SEMA3E: variants seen among roughly 807,000 people sequenced by gnomAD.
The protein encoded by SEMA3E is semaphorin 3E.
In SEMA3E, 49 loss-of-function variants were observed where a neutral mutation model predicts 93.6. The observed-to-expected ratio is 0.52, with a 90% CI of 0.42 to 0.66. The LOEUF (loss-of-function observed/expected upper bound fraction) is 0.66. Ranked by LOEUF, SEMA3E falls within the 30% of genes least tolerant of loss-of-function variation. The pLI is 0.00. For missense variants in SEMA3E, 906 were observed against 964.8 expected, an observed-to-expected ratio of 0.94 and a Z score of 0.81; for synonymous variants, 363 against 330.7, an observed-to-expected ratio of 1.10 and a Z score of -1.06.
At chr7:83,601,006 A>G (rs1322463477) in intron 1 of SEMA3E, among the ~76,000 whole-genome samples, 1 of 152,188 alleles carries the variant, frequency 6.6e-6, no homozygotes, top group Non-Finnish European at 1.5e-5. Context: ...GGTGAAACCA[A>G]TGCAATCACA....
At chr7:83,530,206 T>C (rs774682175) in intron 1 of SEMA3E, among the ~76,000 whole-genome samples, 1 of 152,160 alleles carries the variant, frequency 6.6e-6, no homozygotes, top group Non-Finnish European at 1.5e-5. Flanking sequence ...TTGCTTATTA[T>C]TCATTACAAT....
intron 14 of SEMA3E, among the ~76,000 whole-genome samples, chr7:83,388,951 T>A (rs1281470487): frequency 1.3e-5 from 2 of 151,962 alleles, no homozygotes; most frequent in Non-Finnish European, 2.9e-5. Context: ...CTAGGGCAGA[T>A]CAACATCTCC....
chr7:83,513,143 C>G (rs1178346443), intron 1 of SEMA3E, among the ~76,000 whole-genome samples: 3 of 152,102 alleles, frequency 2.0e-5, no homozygotes, highest in Non-Finnish European at 4.4e-5. Context: ...CATTAAGAAC[C>G]ATGCTCACTC....
At chr7:83,373,121 G>A (rs1794771549) in intron 16 of SEMA3E, 1 of 146,442 alleles carries the variant, frequency 6.8e-6, no homozygotes, top group Non-Finnish European at 1.5e-5. Flanking sequence ...TATAAAGATT[G>A]ATTCAGTATG....
At chr7:83,454,282 T>A (rs1200368443) in intron 4 of SEMA3E, among the ~76,000 whole-genome samples, 64 of 117,410 alleles carry the variant, frequency 5.5e-4, no homozygotes, top group Non-Finnish European at 7.5e-4. Context: ...AATATATATA[T>A]ATATATATAT....
intron 1 of SEMA3E, among the ~76,000 whole-genome samples, chr7:83,601,522 G>A (rs546867575): frequency 7.2e-5 from 11 of 151,972 alleles, no homozygotes; most frequent in African/African-American, 2.7e-4. Context: ...AAGTGAATCT[G>A]ATATATAAGC....
intron 1 of SEMA3E, among the ~76,000 whole-genome samples, chr7:83,535,473 A>C (rs1791394068): frequency 6.6e-6 from 1 of 151,756 alleles, no homozygotes; most frequent in South Asian, 2.1e-4. Flanking sequence ...ACAATCTATC[A>C]AATATGTTTT....
chr7:83,404,144 G>A lies in SEMA3E; in HGVS notation c.998+1306C>T, dbSNP rs551453487. The stretch of plus-strand genomic sequence containing the variant: ...ATAAGGGAGGAGATGAAGTTAAAAC[G>A]TTAAGTACTCTCCATGCGCTGTGAT... On this transcript the variant is annotated intron_variant, in intron 9 of 16. Coordinates refer to ENST00000643230, the MANE Select transcript of SEMA3E (RefSeq NM_012431.3). 2.0e-5 allele frequency among the ~76,000 whole-genome samples: 3 copies of A among 151,964 alleles called. No individual in the cohort carries two copies. In the South Asian group the frequency reaches 6.2e-4, roughly 31 times the overall value.
At chr7:83,477,444 G>A (rs546050715) in intron 2 of SEMA3E, among the ~76,000 whole-genome samples, 1 of 151,912 alleles carries the variant, frequency 6.6e-6, no homozygotes, top group Non-Finnish European at 1.5e-5. Flanking sequence ...CATTAAAATA[G>A]TCTTAATGGT....
intron 2 of SEMA3E, among the ~76,000 whole-genome samples, chr7:83,470,254 A>T (rs1053384965): frequency 6.6e-6 from 1 of 152,132 alleles, no homozygotes; most frequent in Non-Finnish European, 1.5e-5. Context: ...CTTTCCTGAG[A>T]CCACAAGCAG....
intron 1 of SEMA3E, among the ~76,000 whole-genome samples, chr7:83,574,909 A>G (rs1323108494): frequency 6.6e-6 from 1 of 152,224 alleles, no homozygotes; most frequent in Non-Finnish European, 1.5e-5. Context: ...CCACGAACTA[A>G]AGTGACTGAG....
intron 5 of SEMA3E, among the ~76,000 whole-genome samples, chr7:83,416,179 G>A (rs756307917): frequency 1.2e-4 from 18 of 152,172 alleles, no homozygotes; most frequent in Non-Finnish European, 2.5e-4. Context: ...GAAAGTGAGT[G>A]GATAAATGTG....
At chr7:83,430,926 A>G (rs1339269192) in intron 4 of SEMA3E, among the ~76,000 whole-genome samples, 1 of 152,196 alleles carries the variant, frequency 6.6e-6, no homozygotes, top group Non-Finnish European at 1.5e-5. Flanking sequence ...GCCAAGGAAG[A>G]AATTTCAAAG....
intron 1 of SEMA3E, among the ~76,000 whole-genome samples, chr7:83,528,470 A>C: frequency 6.6e-6 from 1 of 152,112 alleles, no homozygotes; most frequent in Non-Finnish European, 1.5e-5. Context: ...GTAAACTGTC[A>C]ATTATAAGGT....
At chr7:83,574,057 C>T (rs1792348648) in intron 1 of SEMA3E, among the ~76,000 whole-genome samples, 1 of 151,956 alleles carries the variant, frequency 6.6e-6, no homozygotes, top group Admixed American at 6.6e-5. Flanking sequence ...CAAATATTAA[C>T]ACTGCAATTT....
intron 1 of SEMA3E, among the ~76,000 whole-genome samples, chr7:83,616,217 T>A (rs1793364409): frequency 6.6e-6 from 1 of 152,162 alleles, no homozygotes; most frequent in Non-Finnish European, 1.5e-5. Flanking sequence ...CATTTCAAAC[T>A]GTGGTAGTAA....
chr7:83,465,435 AG>A (rs148944991), intron 4 of SEMA3E, among the ~76,000 whole-genome samples: 3,513 of 152,300 alleles, frequency 0.023, 137 homozygotes, highest in African/African-American at 0.08. Context: ...AAGTAGTTAA[AG>A]CACGGGCTCT....
At chr7:83,497,518 A>G (rs998327933) in intron 1 of SEMA3E, among the ~76,000 whole-genome samples, 7 of 152,302 alleles carry the variant, frequency 4.6e-5, no homozygotes, top group African/African-American at 1.4e-4. Context: ...AAAATGAAAT[A>G]TGGAAATAGC....
chr7:83,415,840 C>A (rs533199986), intron 5 of SEMA3E, among the ~76,000 whole-genome samples: 2 of 152,078 alleles, frequency 1.3e-5, no homozygotes, highest in East Asian at 3.9e-4. Flanking sequence ...ATATAATTAA[C>A]CATGAAACTA....
Sources: allele counts gnomAD v4.1 joint callset (sites outside exome capture counted in the v4.1 genomes callset), GRCh38; gene constraint gnomAD v4.1.1; transcripts MANE v1.5; gene names NCBI Gene and HGNC (gene_info 2026-07-23, HGNC 2026-07-21).